Variants in GPM6A observed in about 807,000 individuals in gnomAD.
GPM6A encodes the protein glycoprotein M6A.
In GPM6A, 7 loss-of-function variants were observed where a neutral mutation model predicts 32.1. The ratio of observed to expected loss-of-function variants is 0.22; its 90% CI spans 0.12 to 0.41. The LOEUF (loss-of-function observed/expected upper bound fraction) is 0.41. Among genes scored for constraint, GPM6A ranks in the 10% least tolerant of loss-of-function variants. The pLI, the probability that GPM6A is intolerant of heterozygous loss-of-function variation, is 1.00. For missense variants in GPM6A, 235 were observed against 347.2 expected (o/e 0.68, Z 2.57); for synonymous variants, 130 against 123.4 (o/e 1.05, Z -0.35).
At chr4:175,765,404 T>C (rs1032793706) in intron 1 of GPM6A, among the ~76,000 whole-genome samples, 3 of 152,158 alleles carry the variant, frequency 2.0e-5, no homozygotes, top group African/African-American at 7.2e-5. Flanking sequence ...TTTATTGATA[T>C]ATTGTAGTTG....
intron 1 of GPM6A, among the ~76,000 whole-genome samples, chr4:175,877,844 C>T (rs564004686): frequency 6.6e-6 from 1 of 152,290 alleles, no homozygotes; most frequent in South Asian, 2.1e-4. Context: ...AAGTCAAAAT[C>T]CAAAGTCTCC....
intron 1 of GPM6A, among the ~76,000 whole-genome samples, chr4:175,730,912 T>G (rs1257991681): frequency 6.6e-6 from 1 of 152,158 alleles, no homozygotes; most frequent in African/African-American, 2.4e-5. Flanking sequence ...GGTCAAAAGA[T>G]CCATCAGTTT....
intron 1 of GPM6A, among the ~76,000 whole-genome samples, chr4:175,986,811 C>G (rs1194832328): frequency 2.0e-5 from 3 of 152,158 alleles, no homozygotes; most frequent in East Asian, 1.9e-4. Flanking sequence ...AGCCCCACCC[C>G]CTAATTGAGC....
intron 1 of GPM6A, among the ~76,000 whole-genome samples, chr4:175,826,977 A>G (rs2111359489): frequency 6.6e-6 from 1 of 152,302 alleles, no homozygotes; most frequent in East Asian, 1.9e-4. Flanking sequence ...TGAATTTAAC[A>G]CTTGTCTCAC....
intron 1 of GPM6A, among the ~76,000 whole-genome samples, chr4:175,889,270 T>A (rs1047675005): frequency 9.1e-4 from 139 of 152,252 alleles, no homozygotes; most frequent in African/African-American, 3.2e-3. Context: ...TTTTTAAGAC[T>A]GATAAATTTG....
intron 1 of GPM6A, among the ~76,000 whole-genome samples, chr4:175,733,249 A>ATCCCAGCAC (rs1222057149): frequency 4.6e-5 from 7 of 152,218 alleles, no homozygotes; most frequent in Admixed American, 2.0e-4. Context: ...CACGCCTGTA[A>ATCCCAGCAC]TCCCAGCACT....
intron 1 of GPM6A, among the ~76,000 whole-genome samples, chr4:175,780,341 C>G (rs1471426201): frequency 6.6e-6 from 1 of 152,148 alleles, no homozygotes; most frequent in Non-Finnish European, 1.5e-5. Flanking sequence ...AGCCACTATG[C>G]CAGGCCCAGG....
At chr4:175,662,022 T>A (rs57184013) in intron 3 of GPM6A, among the ~76,000 whole-genome samples, 8,219 of 152,000 alleles carry the variant, frequency 0.054, 234 homozygotes, top group Non-Finnish European at 0.063. Flanking sequence ...TAAATTTTTT[T>A]AAAAAAAATT....
At chr4:175,812,296 TG>T (rs375299132), upstream of GPM6A, 5,850 of 517,484 alleles carry the variant, frequency 0.011, 2,775 homozygotes, top group Admixed American at 0.027. Flanking sequence ...TTGGAAAAAC[TG>T]GGGGTTTTTT....
chr4:175,948,955 G>C (rs113970500), intron 1 of GPM6A, among the ~76,000 whole-genome samples: 1,538 of 98,644 alleles, frequency 0.016, 22 homozygotes, highest in African/African-American at 0.067. Flanking sequence ...GCATTTGGTG[G>C]TAAGTGTGTG....
chr4:175,711,525 A>G (rs1658312150), intron 1 of GPM6A, among the ~76,000 whole-genome samples: 1 of 144,940 alleles, frequency 6.9e-6, no homozygotes, highest in Admixed American at 7.0e-5. Context: ...AAATACATAT[A>G]TGTATGTATA....
chr4:175,800,740 G>A (rs1223440328), intron 1 of GPM6A: 4 of 194,260 alleles, frequency 2.1e-5, no homozygotes, highest in African/African-American at 9.5e-5. Flanking sequence ...ATTCAATACT[G>A]AAATGGTATA....
At chr4:175,796,181 G>A (rs1734219432) in intron 1 of GPM6A, among the ~76,000 whole-genome samples, 1 of 152,134 alleles carries the variant, frequency 6.6e-6, no homozygotes, top group African/African-American at 2.4e-5. Flanking sequence ...ACACTTAGAA[G>A]AATGGCTAGC....
intron 1 of GPM6A, among the ~76,000 whole-genome samples, chr4:175,945,946 G>A (rs1739590844): frequency 6.6e-6 from 1 of 151,830 alleles, no homozygotes. Flanking sequence ...TAATACGGGT[G>A]CATATTACTT....
chr4:175,930,671 T>G (rs1454219059), intron 1 of GPM6A, among the ~76,000 whole-genome samples: 1 of 152,110 alleles, frequency 6.6e-6, no homozygotes, highest in African/African-American at 2.4e-5. Context: ...ATTCAAATAA[T>G]TTGAAGACTT....
At chr4:175,956,726 A>G (rs1373060606) in intron 1 of GPM6A, among the ~76,000 whole-genome samples, 1 of 152,208 alleles carries the variant, frequency 6.6e-6, no homozygotes, top group East Asian at 1.9e-4. Context: ...ATTTTTAAGT[A>G]TTCATTTCAA....
chr4:175,976,936 A>T (rs1168351701), intron 1 of GPM6A, among the ~76,000 whole-genome samples: 1 of 152,252 alleles, frequency 6.6e-6, no homozygotes, highest in Non-Finnish European at 1.5e-5. Context: ...CCTGCATTCC[A>T]TAATGGTGTT....
At chr4:175,940,456 G>T (rs1739370771) in intron 1 of GPM6A, among the ~76,000 whole-genome samples, 1 of 151,914 alleles carries the variant, frequency 6.6e-6, no homozygotes, top group Non-Finnish European at 1.5e-5. Context: ...TAATCAAAAT[G>T]CAAAGAAAAG....
intron 1 of GPM6A, among the ~76,000 whole-genome samples, chr4:175,823,649 A>C (rs1424731924): frequency 1.3e-5 from 2 of 152,230 alleles, no homozygotes; most frequent in African/African-American, 4.8e-5. Flanking sequence ...TAGAGGACTG[A>C]TGAGGAAAAA....
Sources: gnomAD v4.1 joint callset for allele counts (sites outside exome capture counted in the v4.1 genomes callset) on GRCh38, gnomAD v4.1.1 for gene constraint, MANE v1.5 for transcripts, NCBI Gene and HGNC (gene_info 2026-07-23, HGNC 2026-07-21) for gene names.